Variants in PIBF1 observed in about 807,000 individuals in gnomAD.
The protein encoded by PIBF1 is progesterone immunomodulatory binding factor 1, also known as progesterone-induced-blocking factor 1.
In PIBF1, 90 loss-of-function variants were observed where a neutral mutation model predicts 112.5. The observed-to-expected ratio is 0.80, with a 90% CI of 0.67 to 0.95. The LOEUF is 0.95. PIBF1 is among the 40% of genes least tolerant of loss of function. The pLI is 0.00. For missense variants in PIBF1, 915 were observed against 852.3 expected (o/e 1.07, Z -0.92); for synonymous variants, 301 against 288.6 (o/e 1.04, Z -0.44).
chr13:72,843,962 G>A (rs149924589), intron 9 of PIBF1, among the ~76,000 whole-genome samples: 11 of 152,292 alleles, frequency 7.2e-5, no homozygotes, highest in African/African-American at 2.6e-4. Context: ...AAACATTGCT[G>A]TAATTATCAA....
At chr13:73,013,078 G>T (rs1263174155) in intron 17 of PIBF1, among the ~76,000 whole-genome samples, 1 of 151,450 alleles carries the variant, frequency 6.6e-6, no homozygotes, top group East Asian at 1.9e-4. Context: ...GAGGCGGGCG[G>T]ATCACGAGGT....
At chr13:72,955,003 G>A (rs556256563) in intron 14 of PIBF1, among the ~76,000 whole-genome samples, 53 of 152,330 alleles carry the variant, frequency 3.5e-4, no homozygotes, top group African/African-American at 1.1e-3. Flanking sequence ...GGAGGAAACA[G>A]AGCAATGGAG....
At chr13:72,975,130 A>C (rs1481066814) in intron 16 of PIBF1, among the ~76,000 whole-genome samples, 1 of 147,364 alleles carries the variant, frequency 6.8e-6, no homozygotes, top group Non-Finnish European at 1.5e-5. Flanking sequence ...ATCTCGGCTC[A>C]CGGCAACCTC....
chr13:72,931,718 G>GTATATATATAGATATA (rs1555317841), intron 14 of PIBF1, among the ~76,000 whole-genome samples: 1 of 101,978 alleles, frequency 9.8e-6, no homozygotes, highest in South Asian at 3.9e-4. Flanking sequence ...TTTAAACTAC[G>GTATATATATAGATATA]TATATATATA....
intron 5 of PIBF1, among the ~76,000 whole-genome samples, chr13:72,808,932 T>C (rs1041718175): frequency 2.0e-5 from 3 of 152,134 alleles, no homozygotes; most frequent in African/African-American, 7.2e-5. Flanking sequence ...ACTAAGGTAT[T>C]TGTTAGGCAT....
At chr13:72,914,821 C>T (rs965601169) in intron 12 of PIBF1, among the ~76,000 whole-genome samples, 1 of 152,296 alleles carries the variant, frequency 6.6e-6, no homozygotes, top group African/African-American at 2.4e-5. Context: ...CTCAAGGGAT[C>T]CCCCTGCCTG....
chr13:72,848,494 T>G (rs1456384669), intron 9 of PIBF1, among the ~76,000 whole-genome samples: 2 of 152,204 alleles, frequency 1.3e-5, no homozygotes, highest in African/African-American at 4.8e-5. Flanking sequence ...ATATTGCATA[T>G]GAATTATGTC....
At chr13:72,883,169 T>C (rs930407677) in intron 10 of PIBF1, among the ~76,000 whole-genome samples, 8 of 152,076 alleles carry the variant, frequency 5.3e-5, no homozygotes, top group Admixed American at 6.5e-5. Flanking sequence ...AAGAATGAAA[T>C]TCTGTCATTT....
chr13:72,883,455 A>AT (rs1170589442), intron 10 of PIBF1, among the ~76,000 whole-genome samples: 1 of 151,866 alleles, frequency 6.6e-6, no homozygotes, highest in Non-Finnish European at 1.5e-5. Flanking sequence ...TTAATTGTAC[A>AT]TTTTTTTTAG....
Position 72,967,015 on chromosome 13 carries a change from AAC to A in PIBF1, c.1964+1612_1964+1613del, listed in dbSNP as rs1452160358. Among the ~76,000 whole-genome samples the A allele has an allele frequency of 3.3e-5, 5 of 150,862 alleles. No homozygotes were observed. The South Asian group carries it at 6.3e-4, about 19-fold the overall frequency. On this transcript the variant is annotated intron_variant, in intron 15 of 17. Coordinates refer to ENST00000326291, the MANE Select transcript of PIBF1 (RefSeq NM_006346.4). The stretch of plus-strand genomic sequence containing the variant: ...CAATGATGTGATCTCTGCTCACTAT[AAC>A]CTCTGCCTCCCGGGTTCAAGTGATT...
At chr13:72,928,309 T>C (rs975873847) in intron 13 of PIBF1, among the ~76,000 whole-genome samples, 1 of 151,960 alleles carries the variant, frequency 6.6e-6, no homozygotes, top group African/African-American at 2.4e-5. Flanking sequence ...TGTAAGCAAT[T>C]TGAAGATACC....
chr13:72,984,875 G>A (rs1364137946), intron 16 of PIBF1, among the ~76,000 whole-genome samples: 1 of 151,952 alleles, frequency 6.6e-6, no homozygotes, highest in African/African-American at 2.4e-5. Flanking sequence ...TATTTTATCT[G>A]TGCATATATA....
intron 11 of PIBF1, among the ~76,000 whole-genome samples, chr13:72,899,791 A>G (rs551158139): frequency 6.6e-6 from 1 of 152,218 alleles, no homozygotes; most frequent in Non-Finnish European, 1.5e-5. Flanking sequence ...AGGGCATCCA[A>G]ATCAGTAAAG....
chr13:72,894,759 T>G (rs2040200577), intron 11 of PIBF1, among the ~76,000 whole-genome samples: 1 of 114,658 alleles, frequency 8.7e-6, no homozygotes, highest in Non-Finnish European at 1.7e-5. Flanking sequence ...ATATATATAT[T>G]ATATATATAT....
At chr13:72,990,311 G>C (rs2043433403) in intron 16 of PIBF1, among the ~76,000 whole-genome samples, 1 of 151,504 alleles carries the variant, frequency 6.6e-6, no homozygotes, top group Non-Finnish European at 1.5e-5. Flanking sequence ...CCTGAGACCA[G>C]GAGTTCGAGA....
At position 72,835,332 on chromosome 13, in the gene PIBF1, G is replaced by T; in HGVS notation, c.1187G>T (p.Arg396Leu). 2.5e-6 allele frequency: 4 copies of T among 1,589,578 alleles called. No homozygotes were observed. Among genetic ancestry groups the T allele is most frequent in the Non-Finnish European group, 3.4e-6 (4 of 1,170,104 alleles). Residue 396 changes from arginine (R) to leucine (L), a missense_variant, in exon 9 of 18, where the codon CGA (arginine) becomes CTA (leucine). Arg to Leu is a moderately radical substitution (Grantham distance 102). Coordinates refer to ENST00000326291, the MANE Select transcript of PIBF1 (RefSeq NM_006346.4). ...LKTNQEIDQLRNASREMYERE... is the reference protein window; with the variant it reads ...LKTNQEIDQLLNASREMYERE... ...ACCAACCAAGAAATTGATCAACTTC[G>T]AAATGCCTCTAGGGAAATGTATGAA...
rs939636657 is a variant in PIBF1 at position 72,923,921 on chromosome 13, G to A, written c.1730+6755G>A. On this transcript the variant is annotated intron_variant, in intron 13 of 17. Transcript: ENST00000326291. Reference sequence around the variant, plus strand: ...AGAGGTTGCAGTCAGCCCAGGTCACGCCATTGCACTCCAGCTTGGGCGACA... The same window carrying A: ...AGAGGTTGCAGTCAGCCCAGGTCACACCATTGCACTCCAGCTTGGGCGACA... Among the ~76,000 whole-genome samples, 6 of 152,124 alleles carry A rather than the reference G, an allele frequency of 3.9e-5. No homozygotes were observed. In the East Asian group the frequency reaches 7.7e-4, roughly 20 times the overall value.
chr13:72,984,046 T>C (rs2043216814), intron 16 of PIBF1, among the ~76,000 whole-genome samples: 1 of 152,176 alleles, frequency 6.6e-6, no homozygotes, highest in South Asian at 2.1e-4. Context: ...AACACATGTA[T>C]GATACAAGTC....
At chr13:72,860,703 T>G (rs1189344018) in intron 10 of PIBF1, among the ~76,000 whole-genome samples, 2 of 152,138 alleles carry the variant, frequency 1.3e-5, no homozygotes, top group Non-Finnish European at 2.9e-5. Context: ...CACATTTTTA[T>G]GATTAAACAA....
Sources: allele counts gnomAD v4.1 joint callset (sites outside exome capture counted in the v4.1 genomes callset), GRCh38; gene constraint gnomAD v4.1.1; transcripts MANE v1.5; gene names NCBI Gene and HGNC (gene_info 2026-07-23, HGNC 2026-07-21).